The following PLPP3 variants were observed in gnomAD, a reference collection of about 807,000 sequenced individuals.
PLPP3 encodes the protein phospholipid phosphatase 3.
Under a neutral mutation model 29.6 loss-of-function variants are expected in PLPP3, and 6 were observed. The ratio of observed to expected loss-of-function variants is 0.20; its 90% confidence interval spans 0.11 to 0.40. PLPP3 has a LOEUF of 0.40. Ranked by LOEUF, PLPP3 falls within the 10% of genes least tolerant of loss-of-function variation. The pLI is 1.00. For missense variants in PLPP3, 308 were observed against 407.7 expected (o/e 0.76, Z 2.11); for synonymous variants, 152 against 159.7 (o/e 0.95, Z 0.36).
chr1:56,556,952 G>GAGAAAGAAAA (rs1646080716), intron 1 of PLPP3, among the ~76,000 whole-genome samples: 1 of 55,344 alleles, frequency 1.8e-5, no homozygotes, highest in Non-Finnish European at 3.4e-5. Flanking sequence ...GAGAGACAGA[G>GAGAAAGAAAA]AGAAAGAAAG....
intron 1 of PLPP3, among the ~76,000 whole-genome samples, chr1:56,555,454 A>C (rs1195700226): frequency 2.5e-4 from 37 of 149,526 alleles, no homozygotes; most frequent in African/African-American, 7.1e-4. Flanking sequence ...AAAAAAAAAA[A>C]AAAAAACAAA....
At chr1:56,567,513 T>C (rs1019352430) in intron 1 of PLPP3, among the ~76,000 whole-genome samples, 5 of 148,466 alleles carry the variant, frequency 3.4e-5, no homozygotes, top group African/African-American at 1.2e-4. Context: ...TTCTCCTGCC[T>C]CAGCCTCCCA....
chr1:56,530,376 C>T (rs908512903), intron 2 of PLPP3, among the ~76,000 whole-genome samples: 1 of 152,180 alleles, frequency 6.6e-6, no homozygotes, highest in Non-Finnish European at 1.5e-5. Context: ...TACCCCTTTC[C>T]CCTAATTGGC....
intron 1 of PLPP3, among the ~76,000 whole-genome samples, chr1:56,555,599 T>A (rs971231495): frequency 3.3e-5 from 5 of 152,070 alleles, no homozygotes; most frequent in Non-Finnish European, 7.4e-5. Context: ...GGCATGCCAG[T>A]TAGCCTCTAG....
intron 1 of PLPP3, among the ~76,000 whole-genome samples, chr1:56,568,252 C>T (rs546310115): frequency 6.6e-6 from 1 of 150,826 alleles, no homozygotes; most frequent in South Asian, 2.1e-4. Flanking sequence ...ATACTAAAAA[C>T]CAAAAAAAAA....
chr1:56,570,191 T>C (rs546751787), intron 1 of PLPP3, among the ~76,000 whole-genome samples: 4 of 152,300 alleles, frequency 2.6e-5, no homozygotes, highest in Middle Eastern at 3.4e-3. Context: ...CTAGAAATTA[T>C]ACTGATTGAT....
chr1:56,523,861 G>A lies in PLPP3; in HGVS notation c.595C>T (p.His199Tyr). Residue 199 changes from histidine (H) to tyrosine (Y), a missense_variant, in exon 4 of 6, where the codon CAT becomes TAT. His to Tyr is a moderately conservative substitution (Grantham distance 83). Coordinates refer to ENST00000371250, the MANE Select transcript of PLPP3 (RefSeq NM_003713.5). ...ATAGTGTACATGGAGAAGGAGGCAT[G>A]GCCAGAGAAGAAGGACTTCCTGCAA... is the stretch of plus-strand genomic sequence containing the variant. The part of the protein sequence containing the change: ...QEARKSFFSG[H>Y]ASFSMYTMLY... 6.2e-7 allele frequency: 1 copy of A among 1,613,752 alleles called. No homozygotes were observed.
intron 1 of PLPP3, among the ~76,000 whole-genome samples, chr1:56,574,559 T>C (rs539922036): frequency 4.8e-4 from 73 of 152,294 alleles, no homozygotes; most frequent in African/African-American, 1.6e-3. Context: ...CCAACGAGGC[T>C]CTTTTCTTTA....
At chr1:56,545,192 C>T (rs184408666) in intron 1 of PLPP3, among the ~76,000 whole-genome samples, 72 of 152,278 alleles carry the variant, frequency 4.7e-4, no homozygotes, top group Middle Eastern at 3.4e-3. Flanking sequence ...GTCAGGCAGA[C>T]AAGATTTCAT....
Position 56,524,364 on chromosome 1 carries a change from T to A in PLPP3, c.488A>T (p.Asn163Ile). 6.2e-7 allele frequency: 1 copy of A among 1,614,078 alleles called. No homozygotes were observed. Among genetic ancestry groups the A allele is most frequent in the Non-Finnish European group, 8.5e-7 (1 of 1,179,956 alleles). Residue 163 changes from asparagine to isoleucine, a missense_variant, in exon 3 of 6, where the codon AAC becomes ATC. Asn to Ile is a moderately radical substitution (Grantham distance 149). Around this residue, in one of 3 missense-constraint regions of PLPP3, gnomAD observed 232 missense variants for 317.2 expected, o/e 0.73. Transcript: ENST00000371250. This position sits in a 1 kb window ranked among gnomAD's most constrained non-coding sequence, Gnocchi z 4.3. ...RLRPHFLSVC[N>I]PDFSQINCSE... ...GCAGTTGATCTGGCTGAAATCAGGG[T>A]TGCAGACACTCAAGAAGTGAGGACG...
At chr1:56,558,625 T>TC (rs1399333415) in intron 1 of PLPP3, among the ~76,000 whole-genome samples, 1 of 152,242 alleles carries the variant, frequency 6.6e-6, no homozygotes, top group African/African-American at 2.4e-5. Flanking sequence ...GGTATTTTTT[T>TC]CTCTCCGGAC....
intron 1 of PLPP3, among the ~76,000 whole-genome samples, chr1:56,558,537 A>C (rs956891191): frequency 6.6e-6 from 1 of 152,216 alleles, no homozygotes; most frequent in Non-Finnish European, 1.5e-5. Flanking sequence ...AAAGCTTGCC[A>C]ATTATTTATG....
chr1:56,576,821 T>C (rs144084964), intron 1 of PLPP3, among the ~76,000 whole-genome samples: 53 of 152,320 alleles, frequency 3.5e-4, no homozygotes, highest in African/African-American at 1.1e-3. Context: ...CATGCATGCA[T>C]GCACACACAC....
chr1:56,579,233 C>G lies in PLPP3; in HGVS notation c.-217G>C. On this transcript the variant is annotated 5_prime_UTR_variant, in exon 1 of 6. Coordinates refer to ENST00000371250, the MANE Select transcript of PLPP3 (RefSeq NM_003713.5). ...TCCTCCTGCGCGCCTCTGCTTTCCT[C>G]TGTCAACCCTAAATCGTTCTAAAGT... 1 of 554,566 alleles carries G rather than the reference C, an allele frequency of 1.8e-6. No homozygotes were observed. The highest frequency in any genetic ancestry group is 3.1e-6 in the Non-Finnish European group (1 of 326,136). 34.4% of individuals were successfully genotyped at this position (554,566 alleles called of 1,614,324 possible).
chr1:56,556,978 GAA>G (rs1569594028), intron 1 of PLPP3, among the ~76,000 whole-genome samples: 1 of 4,910 alleles, frequency 2.0e-4, no homozygotes, highest in East Asian at 3.3e-3. Flanking sequence ...AAGAAAGAAA[GAA>G]AGAAAGAAAG....
At chr1:56,513,211 C>G (rs984384121) in intron 4 of PLPP3, 1 of 152,492 alleles carries the variant, frequency 6.6e-6, no homozygotes, top group Non-Finnish European at 1.5e-5. Flanking sequence ...AAAAAACCAC[C>G]TCTAGCTGAA....
chr1:56,554,650 C>G (rs974620671), intron 1 of PLPP3, among the ~76,000 whole-genome samples: 4 of 151,502 alleles, frequency 2.6e-5, no homozygotes, highest in African/African-American at 9.7e-5. Flanking sequence ...TATTCATGGT[C>G]TTCTCTCAAA....
chr1:56,500,570 T>G (rs1645660375), intron 5 of PLPP3, among the ~76,000 whole-genome samples: 1 of 152,184 alleles, frequency 6.6e-6, no homozygotes, highest in Non-Finnish European at 1.5e-5. Context: ...GGCGGAGCAG[T>G]CAAAGAGGCT....
At chr1:56,501,743 C>T (rs1340668214) in intron 5 of PLPP3, among the ~76,000 whole-genome samples, 1 of 151,738 alleles carries the variant, frequency 6.6e-6, no homozygotes, top group African/African-American at 2.4e-5. Context: ...CCCCATTCAC[C>T]GTGATGAAGA....
Sources: gnomAD v4.1 joint callset for allele counts (sites outside exome capture counted in the v4.1 genomes callset) on GRCh38, gnomAD v4.1.1 for gene constraint, gnomAD v4.1.1 regional missense constraint, Gnocchi (gnomAD v3.1) non-coding constraint, MANE v1.5 for transcripts, NCBI Gene and HGNC (gene_info 2026-07-23, HGNC 2026-07-21) for gene names.